Variants in UMAD1 observed in about 807,000 individuals in gnomAD.
The protein encoded by UMAD1 is UBAP1-MVB12-associated (UMA)-domain containing protein 1.
A neutral mutation model predicts 6.1 loss-of-function variants in UMAD1; 8 were observed. That is an observed-to-expected ratio of 1.30 (90% CI 0.76 to 2.35). The LOEUF (loss-of-function observed/expected upper bound fraction) is 2.35, where lower values mean the gene tolerates loss of function less well. UMAD1 is among the 30% of genes most tolerant of loss of function. The pLI, the probability that UMAD1 is intolerant of heterozygous loss-of-function variation, is 0.00. For synonymous variants in UMAD1, 56 were observed against 31.4 expected (o/e 1.78, Z -2.61); for missense variants, 130 against 78.4 (o/e 1.66, Z -2.49).
chr7:7,778,226 TTGTGTGTGTGTGTGTGTGTGTG>T (rs61647575), intron 2 of UMAD1, among the ~76,000 whole-genome samples: 14 of 126,460 alleles, frequency 1.1e-4, no homozygotes, highest in African/African-American at 3.5e-4. Context: ...AAAACTGGTT[TTGTGTGTGTGTGTGTGTGTGTG>T]TGTGTGTGTG....
At chr7:7,797,787 C>G (rs1782718061) in intron 2 of UMAD1, among the ~76,000 whole-genome samples, 1 of 151,640 alleles carries the variant, frequency 6.6e-6, no homozygotes, top group African/African-American at 2.4e-5. Context: ...CTCCCAGGTT[C>G]AAGCAAATCT....
intron 3 of UMAD1, among the ~76,000 whole-genome samples, chr7:7,845,297 A>T (rs1583867753): frequency 6.6e-6 from 1 of 152,018 alleles, no homozygotes; most frequent in African/African-American, 2.4e-5. Context: ...GGCTACTGGG[A>T]AATTTTAAAT....
At chr7:7,868,657 C>T (rs183299667) in intron 3 of UMAD1, 2 of 151,972 alleles carry the variant, frequency 1.3e-5, no homozygotes, top group Admixed American at 6.6e-5. Context: ...AGAAAATAAT[C>T]TGCCTTCTAA....
At position 7,672,671 on chromosome 7, in the gene UMAD1, G is replaced by T. The variant is rs1355520537; in HGVS notation, c.-63-638G>T. On this transcript the variant is annotated intron_variant, in intron 1 of 3. Transcript: ENST00000682710. ...GCACTCATTCTCTCCCTGTCGTCCT[G>T]TGAGGAGGTGACTTCCCCTATGCTT... is the stretch of plus-strand genomic sequence containing the variant. Among the ~76,000 whole-genome samples, 3 of 152,174 alleles carry T rather than the reference G, an allele frequency of 2.0e-5. No individual in the cohort carries two copies. The South Asian group carries it at 6.2e-4, about 31-fold the overall frequency.
In UMAD1 at chr7:7,703,768, C is replaced by T. The variant is rs543671794; in HGVS notation, c.82+30315C>T. On this transcript the variant is annotated intron_variant, in intron 2 of 3. Transcript: ENST00000682710. Reference sequence around the variant, plus strand: ...CAGCCTGGGCAACGTGGCGAAACCCCGTTTCTACAAATAATGCAAAATTAG... The same window carrying T: ...CAGCCTGGGCAACGTGGCGAAACCCTGTTTCTACAAATAATGCAAAATTAG... Among the ~76,000 whole-genome samples, 5 of 152,184 alleles carry T rather than the reference C, an allele frequency of 3.3e-5. No individual in the cohort carries two copies. The South Asian group carries it at 1.0e-3, about 32-fold the overall frequency.
At chr7:7,816,419 A>G (rs914717908) in intron 3 of UMAD1, among the ~76,000 whole-genome samples, 1 of 152,218 alleles carries the variant, frequency 6.6e-6, no homozygotes, top group Non-Finnish European at 1.5e-5. Flanking sequence ...AGTGTTCTAT[A>G]AAAGATTGCT....
At chr7:7,668,605 T>C (rs1779529220) in intron 1 of UMAD1, among the ~76,000 whole-genome samples, 1 of 152,188 alleles carries the variant, frequency 6.6e-6, no homozygotes, top group Non-Finnish European at 1.5e-5. Flanking sequence ...CAACATGTAA[T>C]GAAACCAGTT....
Position 7,784,876 on chromosome 7 carries a change from C to T in UMAD1, c.83-16794C>T, listed in dbSNP as rs949515351. Among the ~76,000 whole-genome samples, 11 of 150,764 alleles carry T rather than the reference C, an allele frequency of 7.3e-5. No individual in the cohort carries two copies. In the East Asian group the frequency reaches 2.2e-3, roughly 29 times the overall value. ...CCCTGGGGTTCACGCCATTCTCCTG[C>T]CTCAGCCTCCCGAGTAGCTGGGACT... On this transcript the variant is annotated intron_variant, in intron 2 of 3. Transcript: ENST00000682710.
At chr7:7,866,593 T>C (rs188162300) in intron 3 of UMAD1, among the ~76,000 whole-genome samples, 255 of 152,324 alleles carry the variant, frequency 1.7e-3, no homozygotes, top group African/African-American at 5.0e-3. Flanking sequence ...CACACATGCA[T>C]GAATCTACAT....
chr7:7,815,017 C>T (rs1487905806), intron 3 of UMAD1, among the ~76,000 whole-genome samples: 1 of 152,172 alleles, frequency 6.6e-6, no homozygotes, highest in Non-Finnish European at 1.5e-5. Flanking sequence ...TCTGTATACA[C>T]TTTCAATCCT....
intron 1 of UMAD1, among the ~76,000 whole-genome samples, chr7:7,657,241 A>T: frequency 7.1e-6 from 1 of 140,666 alleles, no homozygotes; most frequent in East Asian, 2.8e-4. Context: ...GATCACAAAA[A>T]TTTTCTCCCT....
chr7:7,788,502 A>G (rs1047122370), intron 2 of UMAD1, among the ~76,000 whole-genome samples: 3 of 152,008 alleles, frequency 2.0e-5, no homozygotes, highest in African/African-American at 7.3e-5. Context: ...ACCTTTCTAT[A>G]TTTCTGATTT....
Position 7,648,768 on chromosome 7 carries a change from G to A in UMAD1, c.-64+7947G>A, listed in dbSNP as rs1381896792. Among the ~76,000 whole-genome samples the A allele has an allele frequency of 2.0e-5, 3 of 152,012 alleles. No homozygotes were observed. The South Asian group carries it at 6.2e-4, about 31-fold the overall frequency. On this transcript the variant is annotated intron_variant, in intron 1 of 3. Coordinates refer to ENST00000682710, the MANE Select transcript of UMAD1 (RefSeq NM_001302348.2). Reference sequence around the variant, plus strand: ...CTTGGGAGGCTGAGGTGGGAGGATGGCTTGAGTTCAGGAGGTGGAGGTTGC... The same window carrying A: ...CTTGGGAGGCTGAGGTGGGAGGATGACTTGAGTTCAGGAGGTGGAGGTTGC...
intron 3 of UMAD1, among the ~76,000 whole-genome samples, chr7:7,813,287 C>G (rs1242094040): frequency 6.6e-6 from 1 of 152,152 alleles, no homozygotes; most frequent in African/African-American, 2.4e-5. Context: ...TCACTGCAAC[C>G]TCCACCTCCT....
intron 2 of UMAD1, among the ~76,000 whole-genome samples, chr7:7,688,787 G>A: frequency 6.6e-6 from 1 of 152,040 alleles, no homozygotes; most frequent in Non-Finnish European, 1.5e-5. Flanking sequence ...AAAATTGTAA[G>A]CACATGACTA....
chr7:7,675,953 A>G (rs1358740204), intron 2 of UMAD1: 1 of 389,614 alleles, frequency 2.6e-6, no homozygotes, highest in African/African-American at 2.1e-5. Flanking sequence ...CCCCTTCACC[A>G]TTTTCATAAA....
chr7:7,842,607 T>C lies in UMAD1; in HGVS notation c.157-34674T>C, dbSNP rs1201669712. Among the ~76,000 whole-genome samples the C allele has an allele frequency of 2.7e-5, 4 of 150,492 alleles. No homozygotes were observed. In the East Asian group the frequency reaches 8.1e-4, roughly 30 times the overall value. The stretch of plus-strand genomic sequence containing the variant: ...TAAAATGTGGCAAGGCAAATTAAGT[T>C]ACCTTTTTTTAAAAAAAAAAAAAAC... On this transcript the variant is annotated intron_variant, in intron 3 of 3. Transcript: ENST00000682710.
chr7:7,646,447 G>C (rs1446172264), intron 1 of UMAD1, among the ~76,000 whole-genome samples: 2 of 147,918 alleles, frequency 1.4e-5, no homozygotes, highest in Non-Finnish European at 3.0e-5. Flanking sequence ...CACGAGATCT[G>C]ATGGCTTTAT....
chr7:7,684,117 A>T (rs778484954), intron 2 of UMAD1, among the ~76,000 whole-genome samples: 1 of 152,226 alleles, frequency 6.6e-6, no homozygotes, highest in Non-Finnish European at 1.5e-5. Context: ...ACCTAATGCA[A>T]TGTAAATGCT....
Sources: gnomAD v4.1 joint callset for allele counts (sites outside exome capture counted in the v4.1 genomes callset) on GRCh38, gnomAD v4.1.1 for gene constraint, MANE v1.5 for transcripts, NCBI Gene and HGNC (gene_info 2026-07-23, HGNC 2026-07-21) for gene names.